SPAG16: variants seen among roughly 807,000 people sequenced by gnomAD.
The protein encoded by SPAG16 is sperm-associated antigen 16 protein.
A neutral mutation model predicts 80.4 loss-of-function variants in SPAG16; 86 were observed. The ratio of observed to expected loss-of-function variants is 1.07; its 90% CI spans 0.90 to 1.28. The LOEUF (loss-of-function observed/expected upper bound fraction) is 1.28, where lower values mean the gene tolerates loss of function less well. Among genes scored for constraint, SPAG16 ranks in the 50% most tolerant of loss-of-function variants. SPAG16 has a pLI of 0.00. For missense variants in SPAG16, 870 were observed against 765.3 expected (o/e 1.14, Z -1.61); for synonymous variants, 294 against 265.9 (o/e 1.11, Z -1.03).
intron 11 of SPAG16, among the ~76,000 whole-genome samples, chr2:213,905,053 G>A (rs1034186320): frequency 3.9e-5 from 6 of 152,248 alleles, no homozygotes; most frequent in Middle Eastern, 3.4e-3. Context: ...GAAGCTACTT[G>A]TACAATTCAG....
chr2:213,968,274 A>G (rs2044823657), intron 12 of SPAG16, among the ~76,000 whole-genome samples: 1 of 151,894 alleles, frequency 6.6e-6, no homozygotes, highest in Admixed American at 6.6e-5. Flanking sequence ...TCCCAAGTTC[A>G]AGTATTTCTC....
intron 15 of SPAG16, among the ~76,000 whole-genome samples, chr2:214,315,672 C>T (rs1201377243): frequency 6.6e-6 from 1 of 152,102 alleles, no homozygotes; most frequent in African/African-American, 2.4e-5. Context: ...TCTGGGACTA[C>T]AGGCGTGCGC....
At chr2:213,937,379 A>G (rs1384426285) in intron 12 of SPAG16, among the ~76,000 whole-genome samples, 1 of 152,054 alleles carries the variant, frequency 6.6e-6, no homozygotes, top group Non-Finnish European at 1.5e-5. Context: ...CACCCAAGGT[A>G]TATATTAATA....
chr2:214,250,751 TATATATAGAG>T (rs1197942612), intron 15 of SPAG16, among the ~76,000 whole-genome samples: 113 of 98,832 alleles, frequency 1.1e-3, no homozygotes, highest in South Asian at 1.9e-3. Context: ...TATATATATA[TATATATAGAG>T]AGAGAGAGAG....
At chr2:214,114,277 C>G (rs2053823243) in intron 14 of SPAG16, among the ~76,000 whole-genome samples, 1 of 152,200 alleles carries the variant, frequency 6.6e-6, no homozygotes, top group African/African-American at 2.4e-5. Context: ...TTAGGCTACA[C>G]AGGGGTCAGG....
chr2:214,136,797 C>A (rs1245397334), intron 14 of SPAG16, among the ~76,000 whole-genome samples: 1 of 152,124 alleles, frequency 6.6e-6, no homozygotes, highest in Non-Finnish European at 1.5e-5. Flanking sequence ...GCTGCATAGG[C>A]CTGTCCTAAG....
At chr2:214,093,853 A>G (rs983267051) in intron 13 of SPAG16, among the ~76,000 whole-genome samples, 4 of 152,032 alleles carry the variant, frequency 2.6e-5, no homozygotes, top group African/African-American at 9.7e-5. Flanking sequence ...GTCACTCTCT[A>G]TTTGAATCTT....
intron 15 of SPAG16, among the ~76,000 whole-genome samples, chr2:214,212,916 C>T (rs1356265622): frequency 2.0e-5 from 3 of 152,224 alleles, no homozygotes; most frequent in African/African-American, 7.2e-5. Flanking sequence ...TAAGTCCACA[C>T]AGCACAGACT....
chr2:213,345,841 T>G lies in SPAG16; in HGVS notation c.645-4687T>G, dbSNP rs372011632. Among the ~76,000 whole-genome samples, 15 of 152,324 alleles carry G rather than the reference T, an allele frequency of 9.8e-5. No individual in the cohort carries two copies. In the East Asian group the frequency reaches 2.7e-3, roughly 27 times the overall value. On this transcript the variant is annotated intron_variant, in intron 6 of 15. Coordinates refer to ENST00000331683, the MANE Select transcript of SPAG16 (RefSeq NM_024532.5). ...ATGCTTCCAGCTTTGTTCTTTTTGC[T>G]TAGGATTGACTTAGCAATGCAGGCT...
chr2:214,039,326 C>G (rs1409018052), intron 13 of SPAG16, among the ~76,000 whole-genome samples: 1 of 152,190 alleles, frequency 6.6e-6, no homozygotes, highest in Admixed American at 6.5e-5. Context: ...TGTCTTTTGG[C>G]TGCATAAATG....
intron 5 of SPAG16, among the ~76,000 whole-genome samples, chr2:213,320,245 ATG>A (rs1366056615): frequency 2.0e-5 from 3 of 151,984 alleles, no homozygotes; most frequent in African/African-American, 7.2e-5. Flanking sequence ...ACATTTATAT[ATG>A]ATAATTGTAC....
At chr2:214,029,802 G>T (rs1178543757) in intron 13 of SPAG16, among the ~76,000 whole-genome samples, 2 of 152,088 alleles carry the variant, frequency 1.3e-5, no homozygotes, top group Non-Finnish European at 2.9e-5. Context: ...AATACATTTT[G>T]CTCTTAACAG....
chr2:213,400,428 A>G (rs1000935860), intron 9 of SPAG16, among the ~76,000 whole-genome samples: 2 of 152,112 alleles, frequency 1.3e-5, no homozygotes, highest in African/African-American at 2.4e-5. Flanking sequence ...ACATTTTCAA[A>G]TTTACATATG....
chr2:214,242,174 G>A (rs1350709006), intron 15 of SPAG16, among the ~76,000 whole-genome samples: 4 of 152,140 alleles, frequency 2.6e-5, no homozygotes, highest in African/African-American at 9.7e-5. Context: ...TTTCTTCTGA[G>A]GGACTTTACT....
chr2:213,920,469 T>C (rs115975361), intron 11 of SPAG16, among the ~76,000 whole-genome samples: 6 of 152,094 alleles, frequency 3.9e-5, no homozygotes, highest in African/African-American at 1.2e-4. Flanking sequence ...GTTGGCAATG[T>C]GATATATGTG....
intron 12 of SPAG16, among the ~76,000 whole-genome samples, chr2:213,991,886 T>TATTTATTTATTC (rs1322668544): frequency 6.2e-5 from 9 of 144,502 alleles, no homozygotes; most frequent in Non-Finnish European, 1.2e-4. Context: ...TTTATTTATT[T>TATTTATTTATTC]ATTTATTCTT....
At chr2:213,912,991 A>G (rs908782163) in intron 11 of SPAG16, among the ~76,000 whole-genome samples, 1 of 152,180 alleles carries the variant, frequency 6.6e-6, no homozygotes, top group Non-Finnish European at 1.5e-5. Flanking sequence ...GCACCTAGAG[A>G]CAATCAATCA....
chr2:214,400,416 T>C (rs1701641334), intron 15 of SPAG16, among the ~76,000 whole-genome samples: 1 of 151,972 alleles, frequency 6.6e-6, no homozygotes, highest in Non-Finnish European at 1.5e-5. Context: ...AATATAAAAA[T>C]ATAACAACTA....
At chr2:213,746,497 C>T (rs1284238466) in intron 10 of SPAG16, among the ~76,000 whole-genome samples, 1 of 152,130 alleles carries the variant, frequency 6.6e-6, no homozygotes, top group Admixed American at 6.5e-5. Flanking sequence ...ACCTACTGCA[C>T]CGCCAGTTAT....
Sources: allele counts gnomAD v4.1 joint callset (sites outside exome capture counted in the v4.1 genomes callset), GRCh38; gene constraint gnomAD v4.1.1; transcripts MANE v1.5; gene names NCBI Gene and HGNC (gene_info 2026-07-23, HGNC 2026-07-21).